The following MACROD2 variants were observed in gnomAD, a reference collection of about 807,000 sequenced individuals.
MACROD2 encodes mono-ADP ribosylhydrolase 2.
Under a neutral mutation model 70.4 loss-of-function variants are expected in MACROD2, and 36 were observed. That is an observed-to-expected ratio of 0.51 (90% CI 0.39 to 0.68). The LOEUF (loss-of-function observed/expected upper bound fraction) is 0.68, where lower values mean the gene tolerates loss of function less well. Among genes scored for constraint, MACROD2 ranks in the 30% least tolerant of loss-of-function variants. The pLI is 0.00. For synonymous variants in MACROD2, 172 were observed against 178.8 expected (o/e 0.96, Z 0.30); for missense variants, 496 against 538.4 (o/e 0.92, Z 0.78).
At chr20:15,459,271 G>A (rs897183805) in intron 7 of MACROD2, among the ~76,000 whole-genome samples, 1 of 151,844 alleles carries the variant, frequency 6.6e-6, no homozygotes, top group Non-Finnish European at 1.5e-5. Flanking sequence ...GCTGCTATTC[G>A]CCCAAGTCTC....
intron 8 of MACROD2, among the ~76,000 whole-genome samples, chr20:15,657,536 A>C (rs1341742057): frequency 6.6e-6 from 1 of 152,226 alleles, no homozygotes; most frequent in Non-Finnish European, 1.5e-5. Flanking sequence ...AGGTCATTTT[A>C]TATTTCCTTT....
chr20:15,084,928 T>C (rs1362531605), intron 5 of MACROD2, among the ~76,000 whole-genome samples: 1 of 152,158 alleles, frequency 6.6e-6, no homozygotes, highest in African/African-American at 2.4e-5. Flanking sequence ...CTAAAATTCA[T>C]ATGGAAACTC....
At chr20:15,313,285 T>A (rs139297225) in intron 6 of MACROD2, among the ~76,000 whole-genome samples, 1,891 of 152,098 alleles carry the variant, frequency 0.012, 37 homozygotes, top group African/African-American at 0.043. Flanking sequence ...GGCGGGTGGA[T>A]CACGAGGTCA....
chr20:14,087,559 G>C (rs111623365), intron 3 of MACROD2, among the ~76,000 whole-genome samples: 1 of 152,072 alleles, frequency 6.6e-6, no homozygotes, highest in Admixed American at 6.6e-5. Flanking sequence ...CTTGAGAGAG[G>C]AGGCTGGGTC....
intron 3 of MACROD2, among the ~76,000 whole-genome samples, chr20:14,152,716 C>T (rs774305139): frequency 5.9e-5 from 9 of 152,168 alleles, no homozygotes; most frequent in Non-Finnish European, 1.3e-4. Context: ...CATGAGCCAT[C>T]GTGCCCGGCC....
chr20:15,477,576 G>C (rs1369707481), intron 7 of MACROD2, among the ~76,000 whole-genome samples: 1 of 152,102 alleles, frequency 6.6e-6, no homozygotes, highest in Non-Finnish European at 1.5e-5. Flanking sequence ...AGAAAGGAGG[G>C]AGAGAGGAGG....
chr20:14,916,802 T>C (rs2074097681), intron 5 of MACROD2, among the ~76,000 whole-genome samples: 1 of 152,150 alleles, frequency 6.6e-6, no homozygotes, highest in African/African-American at 2.4e-5. Context: ...AATTCCCGTA[T>C]TCCCTGCCTC....
At chr20:14,602,547 G>T (rs950881756) in intron 4 of MACROD2, among the ~76,000 whole-genome samples, 2 of 152,176 alleles carry the variant, frequency 1.3e-5, no homozygotes, top group Non-Finnish European at 2.9e-5. Context: ...AGTCATGAAA[G>T]TTAGGTGAAT....
At chr20:15,510,115 C>T (rs1233763) in intron 8 of MACROD2, among the ~76,000 whole-genome samples, 119,770 of 152,186 alleles carry the variant, frequency 0.79, 47,358 homozygotes, top group East Asian at 0.99. Context: ...GTAAATGATC[C>T]GGATTATATG....
chr20:15,794,809 C>G (rs2063657756), intron 8 of MACROD2, among the ~76,000 whole-genome samples: 1 of 152,202 alleles, frequency 6.6e-6, no homozygotes, highest in African/African-American at 2.4e-5. Flanking sequence ...TTTTAACTGA[C>G]ATCCGTAACA....
chr20:14,010,722 T>G lies in MACROD2; in HGVS notation c.163+8318T>G, dbSNP rs137974714. 1.5e-3 allele frequency among the ~76,000 whole-genome samples: 224 copies of G among 152,138 alleles called. 1 individual carries two copies. Among genetic ancestry groups the G allele is most frequent in the Admixed American group, 0.012 (186 of 15,250 alleles). On this transcript the variant is annotated intron_variant, in intron 2 of 17. Coordinates refer to ENST00000684519, the MANE Select transcript of MACROD2 (RefSeq NM_001351661.2). Reference sequence around the variant, plus strand: ...TCATCTCCATCAAGTTTTCTTCTGTTAATTCCTCTGGTGACCTGGTGTTTG... The same window carrying G: ...TCATCTCCATCAAGTTTTCTTCTGTGAATTCCTCTGGTGACCTGGTGTTTG...
At chr20:14,541,598 T>TCACACACA (rs139991575) in intron 4 of MACROD2, among the ~76,000 whole-genome samples, 15,879 of 150,264 alleles carry the variant, frequency 0.11, 1,134 homozygotes, top group South Asian at 0.32. Context: ...ACAGCACACA[T>TCACACACA]CACACACACA....
At chr20:14,629,384 T>C (rs1984376316) in intron 4 of MACROD2, among the ~76,000 whole-genome samples, 1 of 152,230 alleles carries the variant, frequency 6.6e-6, no homozygotes, top group Admixed American at 6.5e-5. Flanking sequence ...ACACAGTCTC[T>C]TGATTTGTGA....
chr20:15,094,158 A>G (rs1485420418), intron 5 of MACROD2, among the ~76,000 whole-genome samples: 1 of 152,218 alleles, frequency 6.6e-6, no homozygotes, highest in Non-Finnish European at 1.5e-5. Flanking sequence ...CTGAAGTGTC[A>G]GTTAGATATA....
intron 8 of MACROD2, among the ~76,000 whole-genome samples, chr20:15,798,355 G>T (rs981418577): frequency 6.6e-5 from 10 of 152,112 alleles, no homozygotes; most frequent in Non-Finnish European, 1.3e-4. Context: ...GGATGGCTAG[G>T]ATACCCGCTC....
At chr20:15,495,066 C>T (rs1371732639) in intron 7 of MACROD2, among the ~76,000 whole-genome samples, 1 of 152,160 alleles carries the variant, frequency 6.6e-6, no homozygotes, top group Non-Finnish European at 1.5e-5. Flanking sequence ...TTTCCCATGT[C>T]ATCTAATTCA....
At chr20:14,955,825 C>T (rs1167657050) in intron 5 of MACROD2, among the ~76,000 whole-genome samples, 1 of 151,930 alleles carries the variant, frequency 6.6e-6, no homozygotes, top group African/African-American at 2.4e-5. Context: ...GAGGGGGAAG[C>T]GAAGGAGTTC....
At chr20:15,166,028 G>A (rs192310046) in intron 5 of MACROD2, among the ~76,000 whole-genome samples, 132 of 152,202 alleles carry the variant, frequency 8.7e-4, no homozygotes, top group African/African-American at 3.0e-3. Context: ...CTATTGATGC[G>A]AAATATTTAT....
intron 3 of MACROD2, among the ~76,000 whole-genome samples, chr20:14,297,271 A>C (rs1217674865): frequency 6.6e-6 from 1 of 151,854 alleles, no homozygotes; most frequent in Non-Finnish European, 1.5e-5. Context: ...AAATAAAAGG[A>C]AGAGTCCTAT....
Sources: gnomAD v4.1 joint callset for allele counts (sites outside exome capture counted in the v4.1 genomes callset) on GRCh38, gnomAD v4.1.1 for gene constraint, MANE v1.5 for transcripts, NCBI Gene and HGNC (gene_info 2026-07-23, HGNC 2026-07-21) for gene names.